Variants in PKM observed in about 807,000 individuals in gnomAD.
The protein encoded by PKM is pyruvate kinase PKM.
Under a neutral mutation model 49.8 loss-of-function variants are expected in PKM, and 18 were observed. The observed-to-expected ratio is 0.36, with a 90% CI of 0.25 to 0.54. The LOEUF (loss-of-function observed/expected upper bound fraction) is 0.54, where lower values mean the gene tolerates loss of function less well. PKM is among the 20% of genes least tolerant of loss of function. PKM has a pLI of 0.89. For synonymous variants in PKM, 239 were observed against 261.8 expected (o/e 0.91, Z 0.84); for missense variants, 508 against 713.8 (o/e 0.71, Z 3.28).
At position 72,208,772 on chromosome 15, in the gene PKM, G is replaced by A. The variant is rs550840336; in HGVS notation, c.685C>T (p.Leu229=). 3.1e-6 allele frequency: 5 copies of A among 1,614,150 alleles called. No individual in the cohort carries two copies. The highest frequency in any genetic ancestry group is 4.2e-6 in the Non-Finnish European group (5 of 1,180,030). The change falls in exon 6 of 11, where the codon CTG becomes TTG. Residue 229 remains leucine, a synonymous_variant. Coordinates refer to ENST00000335181, the MANE Select transcript of PKM (RefSeq NM_002654.6). The stretch of plus-strand genomic sequence containing the variant: ...ACATCCTGCTCGACCCCAAACTTCA[G>A]ATCCTGGATGTCCTTCTCCGACACA... ...PAVSEKDIQD[L]KFGVEQDVDM...
chr15:72,219,540 A>G (rs2082468312), intron 1 of PKM: 1 of 163,536 alleles, frequency 6.1e-6, no homozygotes, highest in Non-Finnish European at 1.4e-5. Context: ...TAGTGCCTTG[A>G]TAAGCCTAGA....
Position 72,217,578 on chromosome 15 carries a change from G to A in PKM, c.155-78C>T. On this transcript the variant is annotated intron_variant, in intron 2 of 10. Transcript: ENST00000335181. ...ACATTTAAGTTTGCTTAAGTTTAAA[G>A]AATTTTTTTCCCTGAAAACTTTTCC... 3 of 1,025,048 alleles carry A rather than the reference G, an allele frequency of 2.9e-6. No homozygotes were observed. In the South Asian group the frequency reaches 3.9e-5, roughly 13 times the overall value. The allele number at this position is 1,025,048 out of a possible 1,614,324, so 63.5% of individuals were successfully genotyped here.
intron 8 of PKM, chr15:72,203,294 T>G: frequency 7.0e-6 from 7 of 1,000,874 alleles, no homozygotes; most frequent in African/African-American, 1.6e-5. Flanking sequence ...GAGAGGAAGG[T>G]AACCTTAGGT....
Position 72,200,334 on chromosome 15 carries a change from G to A in PKM, c.1489+140C>T. On this transcript the variant is annotated intron_variant, in intron 10 of 10. Transcript: ENST00000335181. This position sits in a 1 kb window ranked among gnomAD's most constrained non-coding sequence, Gnocchi z 4.6. ...GAATGAACATTCCCAATAAGGGAGAGGAACAGTCGCTGGGCCTTTTGCCCC... is the reference window on the plus strand; with the variant it reads ...GAATGAACATTCCCAATAAGGGAGAAGAACAGTCGCTGGGCCTTTTGCCCC... The A allele has an allele frequency of 1.3e-6, 1 of 752,114 alleles. No homozygotes were observed. 46.6% of individuals were successfully genotyped at this position (752,114 alleles called of 1,614,324 possible). A position where few individuals can be genotyped will look rare whatever the true frequency, so the allele number is the denominator to read the frequency against.
rs3759901 is a variant in PKM at position 72,219,074 on chromosome 15, G to A, written c.24C>T (p.Ala8=). The A allele has an allele frequency of 0.018, 28,426 of 1,614,102 alleles. 339 individuals are homozygous for A. The highest frequency in any genetic ancestry group is 0.028 in the East Asian group (1,253 of 44,878). MSKPHSE[A]GTAFIQTQQL... is the part of the protein sequence containing the mutation. ...GCTGGGTCTGAATGAAGGCAGTCCC[G>A]GCTTCACTATGGGGCTTCGACATGG... Residue 8 remains alanine (A), a synonymous_variant, in exon 2 of 11, where the codon GCC becomes GCT. Transcript: ENST00000335181.
chr15:72,208,913 G>A (rs780839649), intron 5 of PKM, 22 bp from the exon 6 acceptor site: 15 of 1,610,392 alleles, frequency 9.3e-6, no homozygotes, highest in Non-Finnish European at 8.5e-7. Context: ...AGGGTAAGTA[G>A]GGGAGGCAGA....
intron 5 of PKM, chr15:72,209,396 A>AATAC (rs1268011418): frequency 1.4e-4 from 11 of 78,988 alleles, no homozygotes; most frequent in African/African-American, 6.0e-4. Flanking sequence ...CAGCGAAACA[A>AATAC]ATATATATAT....
chr15:72,216,906 G>T (rs776223124), intron 3 of PKM, among the ~76,000 whole-genome samples: 1 of 152,300 alleles, frequency 6.6e-6, no homozygotes, highest in Non-Finnish European at 1.5e-5. Context: ...AGGAAGTGGG[G>T]TATTACACCC....
intron 1 of PKM, among the ~76,000 whole-genome samples, chr15:72,219,584 T>C (rs2082469479): frequency 6.6e-6 from 1 of 152,206 alleles, no homozygotes; most frequent in South Asian, 2.1e-4. Flanking sequence ...AAGCTACAAA[T>C]AGCTGCTTTG....
At chr15:72,219,149 G>A (rs772517205) in intron 1 of PKM, 39 bp from the exon 2 acceptor site, 1 of 1,585,460 alleles carries the variant, frequency 6.3e-7, no homozygotes, top group South Asian at 1.1e-5. Context: ...GTAAGACTGA[G>A]AAGTGGTTAA....
Position 72,206,739 on chromosome 15 carries a change from T to G in PKM, c.1129A>C (p.Met377Leu). The change falls in exon 8 of 11, where the codon ATG becomes CTG. Residue 377 changes from methionine to leucine, a missense_variant. Transcript: ENST00000335181. ...GCCCCAGAACTCACCAGGTGCTGCA[T>G]GCGCACAGCCTCCAGAGGATAGTCC... ...KGDYPLEAVR[M>L]QHLIAREAEA... is the part of the protein sequence containing the mutation. 6.2e-7 allele frequency: 1 copy of G among 1,613,132 alleles called. No individual in the cohort carries two copies. Among genetic ancestry groups the G allele is most frequent in the Non-Finnish European group, 8.5e-7 (1 of 1,180,012 alleles).
intron 1 of PKM, chr15:72,221,368 G>A: frequency 2.8e-6 from 2 of 712,624 alleles, no homozygotes; most frequent in Non-Finnish European, 2.4e-6. Flanking sequence ...CAGGTATCCA[G>A]GTGACAGCTG....
chr15:72,210,264 A>T (rs185959550), intron 4 of PKM, 83 bp downstream of exon 4: 1 of 1,469,450 alleles, frequency 6.8e-7, no homozygotes, highest in African/African-American at 1.4e-5. Flanking sequence ...GGGAAGAAAC[A>T]TGGCAACCCA....
intron 8 of PKM, chr15:72,203,526 G>A: frequency 2.8e-6 from 1 of 355,304 alleles, no homozygotes; most frequent in Admixed American, 4.3e-5. Context: ...CCCTGGCAGA[G>A]GACTTGACCA....
At chr15:72,215,693 T>C (rs960698223) in intron 3 of PKM, among the ~76,000 whole-genome samples, 5 of 152,220 alleles carry the variant, frequency 3.3e-5, no homozygotes, top group Non-Finnish European at 7.3e-5. Context: ...GGTGTTATTT[T>C]ACTGGATGAA....
intron 1 of PKM, among the ~76,000 whole-genome samples, chr15:72,221,861 T>G (rs1202785196): frequency 2.0e-5 from 3 of 147,938 alleles, no homozygotes; most frequent in Non-Finnish European, 4.4e-5. Flanking sequence ...ACATCACAAA[T>G]GTACTGCAGA....
chr15:72,217,755 G>A (rs181295864), intron 2 of PKM, among the ~76,000 whole-genome samples: 104 of 152,286 alleles, frequency 6.8e-4, no homozygotes, highest in African/African-American at 2.5e-3. Flanking sequence ...GACTTGGCCA[G>A]CCTTCTCCAC....
At position 72,202,201 on chromosome 15, in the gene PKM, T is replaced by C; in HGVS notation, c.1307+253A>G. ...CATTTGTAGTCAGCCTGTGCACTGTTATGTAATAAATCTCCAGCATAAATT... is the reference window on the plus strand; with the variant it reads ...CATTTGTAGTCAGCCTGTGCACTGTCATGTAATAAATCTCCAGCATAAATT... On this transcript the variant is annotated intron_variant, in intron 9 of 10. Transcript: ENST00000335181. This position sits in a 1 kb window ranked among gnomAD's most constrained non-coding sequence, Gnocchi z 4.5. The C allele has an allele frequency of 1.8e-6, 1 of 562,224 alleles. No homozygotes were observed. The highest frequency in any genetic ancestry group is 1.9e-5 in the African/African-American group (1 of 53,282). 34.8% of individuals were successfully genotyped at this position (562,224 alleles called of 1,614,324 possible).
chr15:72,204,156 G>A (rs1054962055), intron 8 of PKM: 7 of 152,328 alleles, frequency 4.6e-5, no homozygotes, highest in African/African-American at 1.7e-4. Context: ...ACAGGAAACA[G>A]AGCCATACCT....
Sources: gnomAD v4.1 joint callset for allele counts (sites outside exome capture counted in the v4.1 genomes callset) on GRCh38, gnomAD v4.1.1 for gene constraint, Gnocchi (gnomAD v3.1) non-coding constraint, MANE v1.5 for transcripts, NCBI Gene and HGNC (gene_info 2026-07-23, HGNC 2026-07-21) for gene names.